Variants in SPPL2A observed in about 807,000 individuals in gnomAD.
SPPL2A encodes signal peptide peptidase-like 2A.
A neutral mutation model predicts 63.8 loss-of-function variants in SPPL2A; 51 were observed. The observed-to-expected ratio is 0.80, with a 90% CI of 0.64 to 1.01. SPPL2A has a LOEUF of 1.01. SPPL2A is among the 50% of genes least tolerant of loss of function. The probability of loss-of-function intolerance (pLI) is 0.00; values close to 1 mark genes in which losing one functional copy is unlikely to be tolerated. For synonymous variants in SPPL2A, 188 were observed against 205.8 expected, an observed-to-expected ratio of 0.91 and a Z score of 0.74; for missense variants, 553 against 622.7, an observed-to-expected ratio of 0.89 and a Z score of 1.19.
intron 6 of SPPL2A, among the ~76,000 whole-genome samples, chr15:50,739,061 G>A (rs2062796951): frequency 6.6e-6 from 1 of 151,094 alleles, no homozygotes; most frequent in Non-Finnish European, 1.5e-5. Context: ...TTAATCCACT[G>A]CTTAGATACT....
Position 50,765,478 on chromosome 15 carries a change from A to C in SPPL2A, c.56T>G (p.Leu19Arg). The C allele has an allele frequency of 6.6e-7, 1 of 1,504,498 alleles. No homozygotes were observed. Among genetic ancestry groups the C allele is most frequent in the East Asian group, 2.7e-5 (1 of 36,748 alleles). The allele number at this position is 1,504,498 out of a possible 1,614,324, so 93.2% of individuals were successfully genotyped here. ...PAGAALLWGF[L>R]LQLTAAQEAI... ...TTCCCGCCCCCTTACCAGCTGGAGCAGGAAGCCCCAGAGTAGGGCGGCCCC... is the reference window on the plus strand; with the variant it reads ...TTCCCGCCCCCTTACCAGCTGGAGCCGGAAGCCCCAGAGTAGGGCGGCCCC... Residue 19 changes from leucine (L) to arginine (R), a missense_variant, in exon 1 of 15, where the codon CTG becomes CGG. Physicochemically the swap from Leu to Arg is moderately radical, Grantham distance 102. Transcript: ENST00000261854.
Position 50,702,639 on chromosome 15 carries a change from C to T in SPPL2A, c.*5161G>A, listed in dbSNP as rs889380640. On this transcript the variant is annotated 3_prime_UTR_variant, in exon 15 of 15. Transcript: ENST00000261854. ...GAAAATGTTGCAGGTTAACTTTAGA[C>T]ATTAAAAAGATTCATATTCCAAAGG... 2 of 152,158 alleles carry T rather than the reference C, an allele frequency of 1.3e-5. No homozygotes were observed. The highest frequency in any genetic ancestry group is 2.9e-5 in the Non-Finnish European group (2 of 68,030). 9.4% of individuals were successfully genotyped at this position (152,158 alleles called of 1,614,324 possible).
At chr15:50,714,606 G>A (rs1376719259) in intron 14 of SPPL2A, among the ~76,000 whole-genome samples, 1 of 148,604 alleles carries the variant, frequency 6.7e-6, no homozygotes, top group African/African-American at 2.5e-5. Flanking sequence ...ACTCCAGCCT[G>A]GGCAATAAGA....
intron 6 of SPPL2A, 27 bp downstream of exon 6, chr15:50,739,653 T>C (rs1301166750): frequency 1.3e-6 from 2 of 1,485,434 alleles, no homozygotes; most frequent in Non-Finnish European, 1.8e-6. Flanking sequence ...ATGTTAACAG[T>C]AGCAAACATA....
chr15:50,731,027 G>GT lies in SPPL2A; in HGVS notation c.1026dup (p.Leu343ThrfsTer9). The GT allele has an allele frequency of 6.8e-7, 1 of 1,469,756 alleles. No homozygotes were observed. The highest frequency in any genetic ancestry group is 9.5e-7 in the Non-Finnish European group (1 of 1,051,928). The allele number at this position is 1,469,756 out of a possible 1,614,324, so 91.0% of individuals were successfully genotyped here. ...TCATAGAGGAGGAGAAGGCCTAGAA[G>GT]TATCACACATGACTGTCAAAGAAAG... is the stretch of plus-strand genomic sequence containing the variant. On this transcript the variant is annotated frameshift_variant, in exon 10 of 15. Transcript: ENST00000261854. LOFTEE classifies it high-confidence loss of function.
chr15:50,745,498 T>A (rs1458618918), intron 5 of SPPL2A, among the ~76,000 whole-genome samples: 2 of 150,884 alleles, frequency 1.3e-5, no homozygotes, highest in African/African-American at 2.4e-5. Context: ...ACTCCTGGGC[T>A]CAAGTGAACT....
At chr15:50,728,811 T>C (rs1262013429) in intron 10 of SPPL2A, among the ~76,000 whole-genome samples, 1 of 143,300 alleles carries the variant, frequency 7.0e-6, no homozygotes, top group African/African-American at 2.7e-5. Flanking sequence ...CCTGGCTGAT[T>C]ATTGTATTTT....
chr15:50,710,642 T>C (rs988456790), intron 14 of SPPL2A, among the ~76,000 whole-genome samples: 2 of 152,232 alleles, frequency 1.3e-5, no homozygotes, highest in African/African-American at 4.8e-5. Flanking sequence ...TTCTGATAGC[T>C]CTGCTTGCTT....
chr15:50,732,715 T>C, intron 8 of SPPL2A, 31 bp from the exon 9 acceptor site: 1 of 1,313,732 alleles, frequency 7.6e-7, no homozygotes, highest in Non-Finnish European at 1.1e-6. Context: ...TCTATTGCTT[T>C]ATCAATGTTT....
intron 1 of SPPL2A, among the ~76,000 whole-genome samples, chr15:50,763,695 G>A (rs184085328): frequency 9.8e-4 from 149 of 152,176 alleles, no homozygotes; most frequent in African/African-American, 3.4e-3. Context: ...TCAGGAGTTC[G>A]AGACCAGCCT....
At chr15:50,743,926 G>GGC (rs1293759051) in intron 5 of SPPL2A, among the ~76,000 whole-genome samples, 1 of 152,054 alleles carries the variant, frequency 6.6e-6, no homozygotes, top group East Asian at 1.9e-4. Context: ...TGTAATCCCA[G>GGC]CATTTTGGGA....
At chr15:50,737,062 C>T (rs192339497) in intron 6 of SPPL2A, among the ~76,000 whole-genome samples, 10 of 152,126 alleles carry the variant, frequency 6.6e-5, no homozygotes, top group Admixed American at 4.6e-4. Context: ...TACAGGCATG[C>T]GCCACCATAC....
At chr15:50,729,547 G>A (rs1209515953) in intron 10 of SPPL2A, among the ~76,000 whole-genome samples, 4 of 152,204 alleles carry the variant, frequency 2.6e-5, no homozygotes, top group Non-Finnish European at 5.9e-5. Context: ...CTGGGCCTCA[G>A]GAGGTTAAGG....
chr15:50,751,428 C>T (rs951235093), intron 1 of SPPL2A, among the ~76,000 whole-genome samples: 2 of 152,108 alleles, frequency 1.3e-5, no homozygotes, highest in African/African-American at 4.8e-5. Context: ...GAAGATAATC[C>T]TGCAGATAAA....
At chr15:50,709,265 T>C (rs761867671) in intron 14 of SPPL2A, among the ~76,000 whole-genome samples, 47 of 152,192 alleles carry the variant, frequency 3.1e-4, no homozygotes, top group Admixed American at 3.0e-3. Context: ...ATTTCAGTAT[T>C]GCGATGCACT....
At chr15:50,750,949 A>G (rs75739297) in intron 1 of SPPL2A, among the ~76,000 whole-genome samples, 2,676 of 152,318 alleles carry the variant, frequency 0.018, 34 homozygotes, top group African/African-American at 0.032. Context: ...TATTTGACCA[A>G]TTTTAATCTA....
In SPPL2A at chr15:50,707,657, A is replaced by C; in HGVS notation, c.*143T>G. On this transcript the variant is annotated 3_prime_UTR_variant, in exon 15 of 15. Transcript: ENST00000261854. ...AAGCGTTTTAGTTATTTATGATGTA[A>C]CTGTCAGTACCAGCTCATAAAAATA... 1 of 578,718 alleles carries C rather than the reference A, an allele frequency of 1.7e-6. No homozygotes were observed. The highest frequency in any genetic ancestry group is 3.1e-6 in the Non-Finnish European group (1 of 324,172). 35.8% of individuals were successfully genotyped at this position (578,718 alleles called of 1,614,324 possible). A position where few individuals can be genotyped will look rare whatever the true frequency, so the allele number is the denominator to read the frequency against.
At chr15:50,763,720 A>G (rs1199103350) in intron 1 of SPPL2A, among the ~76,000 whole-genome samples, 1 of 152,118 alleles carries the variant, frequency 6.6e-6, no homozygotes, top group Non-Finnish European at 1.5e-5. Flanking sequence ...AACATAGTGA[A>G]ACCCCCATCT....
At chr15:50,730,813 G>C (rs1303526057) in intron 10 of SPPL2A, 152 bp downstream of exon 10, 1 of 563,130 alleles carries the variant, frequency 1.8e-6, no homozygotes, top group Non-Finnish European at 3.2e-6. Flanking sequence ...TTAAAAGCTT[G>C]AAAGTTAAAA....
Sources: allele counts gnomAD v4.1 joint callset (sites outside exome capture counted in the v4.1 genomes callset), GRCh38; gene constraint gnomAD v4.1.1; transcripts MANE v1.5; gene names NCBI Gene and HGNC (gene_info 2026-07-23, HGNC 2026-07-21).